ANAPC11: variants seen among roughly 807,000 people sequenced by gnomAD.
ANAPC11 encodes the protein anaphase promoting complex subunit 11.
ANAPC11 carries 5 observed loss-of-function variants against 11.8 expected under a neutral mutation model. That is an observed-to-expected ratio of 0.42 (90% CI 0.22 to 0.89). ANAPC11 has a LOEUF of 0.89. Ranked by LOEUF, ANAPC11 falls within the 40% of genes least tolerant of loss-of-function variation. The pLI, the probability that ANAPC11 is intolerant of heterozygous loss-of-function variation, is 0.28. For synonymous variants in ANAPC11, 45 were observed against 41.0 expected (o/e 1.10, Z -0.38); for missense variants, 68 against 112.9 (o/e 0.60, Z 1.80).
intron 3 of ANAPC11, chr17:81,899,190 G>A (rs373711038): frequency 1.9e-6 from 3 of 1,559,288 alleles, no homozygotes; most frequent in African/African-American, 2.7e-5. Flanking sequence ...GGAGATCAGG[G>A]ACACTCATTT....
Position 81,894,563 on chromosome 17 carries a change from C to T in ANAPC11, c.86C>T (p.Ala29Val), listed in dbSNP as rs1260123284. The T allele has an allele frequency of 1.9e-6, 3 of 1,611,034 alleles. No homozygotes were observed. The African/African-American group carries it at 4.0e-5, about 22-fold the overall frequency. Reference sequence around the variant, plus strand: ...GAGAACTGTGGCATCTGCAGGATGGCATTTAACGGATGCTGCCCTGACTGT... The same window carrying T: ...GAGAACTGTGGCATCTGCAGGATGGTATTTAACGGATGCTGCCCTGACTGT... ...NDENCGICRM[A>V]FNGCCPDCKV... Residue 29 changes from alanine (A) to valine (V), a missense_variant, in exon 3 of 4, where the codon GCA (alanine) becomes GTA (valine). Ala to Val is a moderately conservative substitution (Grantham distance 64, BLOSUM62 0). Coordinates refer to ENST00000344877, the MANE Select transcript of ANAPC11 (RefSeq NM_001002248.3).
intron 3 of ANAPC11, chr17:81,899,224 C>A: frequency 6.2e-7 from 1 of 1,607,518 alleles, no homozygotes; most frequent in Non-Finnish European, 8.5e-7. Context: ...CTGATACAAG[C>A]ATCCCTCTCT....
In ANAPC11 at chr17:81,895,282, C is replaced by G. The variant is rs944979734; in HGVS notation, c.109+696C>G. On this transcript the variant is annotated intron_variant, in intron 3 of 3. Coordinates refer to ENST00000344877, the MANE Select transcript of ANAPC11 (RefSeq NM_001002248.3). ...GTTAGGCTGGTCTCGAACTGTCAAC[C>G]TCAGGTGATCCACCCGCCTCAGCCT... Among the ~76,000 whole-genome samples the G allele has an allele frequency of 2.6e-5, 4 of 152,120 alleles. No individual in the cohort carries two copies. The East Asian group carries it at 5.8e-4, about 22-fold the overall frequency.
intron 3 of ANAPC11, chr17:81,899,429 T>A (rs778529238): frequency 1.9e-6 from 3 of 1,613,878 alleles, no homozygotes; most frequent in African/African-American, 2.7e-5. Context: ...CTCCTGCCCT[T>A]GATCAAGAGA....
chr17:81,897,150 G>A (rs919986101), intron 3 of ANAPC11, among the ~76,000 whole-genome samples: 2 of 151,928 alleles, frequency 1.3e-5, no homozygotes, highest in South Asian at 2.1e-4. Flanking sequence ...ACAGGCGCTC[G>A]CCGCCATGCC....
chr17:81,891,024 G>A, upstream of ANAPC11: 4 of 788,238 alleles, frequency 5.1e-6, no homozygotes, highest in East Asian at 2.8e-5. Context: ...AGTTCCCTTA[G>A]ACTAACTTCC....
At chr17:81,891,895 G>C (rs1038751126) in intron 1 of ANAPC11, 54 bp downstream of exon 1, 2 of 185,714 alleles carry the variant, frequency 1.1e-5, no homozygotes, top group Non-Finnish European at 2.3e-5. Context: ...GGCGGCGGCC[G>C]TTGGAGGCGG....
chr17:81,894,504 C>CTCT lies in ANAPC11; in HGVS notation c.27_28insTCT (p.Asn9_Gly10insSer). 1 of 1,612,856 alleles carries CTCT rather than the reference C, an allele frequency of 6.2e-7. No homozygotes were observed. Among genetic ancestry groups the CTCT allele is most frequent in the South Asian group, 1.1e-5 (1 of 90,996 alleles). ...TGAAGGTGAAGATTAAGTGCTGGAA[C>CTCT]GGCGTGGCCACTTGGCTCTGGGTGG... is the stretch of plus-strand genomic sequence containing the variant. On this transcript the variant is annotated inframe_insertion, in exon 3 of 4. Transcript: ENST00000344877.
intron 3 of ANAPC11, chr17:81,899,692 T>G: frequency 9.5e-7 from 1 of 1,050,898 alleles, no homozygotes; most frequent in Non-Finnish European, 1.4e-6. Flanking sequence ...TTGCCCCGGG[T>G]GGAGGCCGCA....
chr17:81,891,783 T>A lies in ANAPC11; in HGVS notation c.-133T>A. ...TGAGGGAGTCGGGCCGCGACTGTGG[T>A]CGTTTTTATACCTTCCCGCGCGGAC... On this transcript the variant is annotated 5_prime_UTR_variant, in exon 1 of 4. Transcript: ENST00000344877. 6.4e-6 allele frequency: 2 copies of A among 311,584 alleles called. No individual in the cohort carries two copies. The highest frequency in any genetic ancestry group is 1.1e-5 in the Non-Finnish European group (2 of 177,454). The allele number at this position is 311,584 out of a possible 1,614,324, so 19.3% of individuals were successfully genotyped here.
chr17:81,895,260 A>G (rs1260711886), intron 3 of ANAPC11, among the ~76,000 whole-genome samples: 1 of 151,856 alleles, frequency 6.6e-6, no homozygotes, highest in Non-Finnish European at 1.5e-5. Context: ...TCTCCATGTT[A>G]GGCTGGTCTC....
At chr17:81,892,495 T>C (rs1043205597) in intron 1 of ANAPC11, among the ~76,000 whole-genome samples, 1 of 150,910 alleles carries the variant, frequency 6.6e-6, no homozygotes. Context: ...TTGCAACTTA[T>C]TAATGAAAAC....
At position 81,894,545 on chromosome 17, in the gene ANAPC11, G is replaced by A; in HGVS notation, c.68G>A (p.Cys23Tyr). ...TWLWVANDEN[C>Y]GICRMAFNGC... ...CTCTGGGTGGCCAACGATGAGAACTGTGGCATCTGCAGGATGGCATTTAAC... is the reference window on the plus strand; with the variant it reads ...CTCTGGGTGGCCAACGATGAGAACTATGGCATCTGCAGGATGGCATTTAAC... The change falls in exon 3 of 4, where the codon TGT (cysteine) becomes TAT (tyrosine). Residue 23 changes from cysteine (C) to tyrosine (Y), a missense_variant. Coordinates refer to ENST00000344877, the MANE Select transcript of ANAPC11 (RefSeq NM_001002248.3). 6.2e-7 allele frequency: 1 copy of A among 1,612,530 alleles called. No homozygotes were observed. Among genetic ancestry groups the A allele is most frequent in the East Asian group, 2.2e-5 (1 of 44,726 alleles).
chr17:81,894,132 C>T (rs147314039), intron 2 of ANAPC11, among the ~76,000 whole-genome samples: 3,125 of 151,774 alleles, frequency 0.021, 107 homozygotes, highest in African/African-American at 0.071. Flanking sequence ...AAAAATTAGT[C>T]GGGCGTGGAG....
chr17:81,894,423 C>T (rs2039661904), intron 2 of ANAPC11, 44 bp from the exon 3 acceptor site: 1 of 1,233,352 alleles, frequency 8.1e-7, no homozygotes, highest in Non-Finnish European at 1.2e-6. Flanking sequence ...CGTTCTAGCT[C>T]TGCAGACTCA....
intron 3 of ANAPC11, among the ~76,000 whole-genome samples, chr17:81,896,858 A>G (rs151180655): frequency 0.07 from 8,227 of 117,656 alleles, 832 homozygotes; most frequent in African/African-American, 0.24. Context: ...TGTTGCTCAG[A>G]CTGGAGTGCA....
chr17:81,897,153 G>A (rs1373696147), intron 3 of ANAPC11, among the ~76,000 whole-genome samples: 1 of 151,984 alleles, frequency 6.6e-6, no homozygotes, highest in East Asian at 1.9e-4. Flanking sequence ...GGCGCTCGCC[G>A]CCATGCCCAG....
intron 3 of ANAPC11, chr17:81,898,671 C>T (rs1345067287): frequency 6.5e-6 from 1 of 153,040 alleles, no homozygotes; most frequent in Non-Finnish European, 1.5e-5. Flanking sequence ...CGTGGGAGCC[C>T]GAGGCTGGTA....
In ANAPC11 at chr17:81,894,820, C is replaced by T. The variant is rs899338091; in HGVS notation, c.109+234C>T. On this transcript the variant is annotated intron_variant, in intron 3 of 3. Transcript: ENST00000344877. ...GCAACCTCTGCCTCCCGGGTTCAAA[C>T]GGTTCTCCTGCCTCAGCCTTCCAAG... 37 of 407,920 alleles carry T rather than the reference C, an allele frequency of 9.1e-5. 1 individual carries two copies. The highest frequency in any genetic ancestry group is 3.6e-4 in the Admixed American group (8 of 22,226). The allele number at this position is 407,920 out of a possible 1,614,324, so 25.3% of individuals were successfully genotyped here. A position where few individuals can be genotyped will look rare whatever the true frequency, so the allele number is the denominator to read the frequency against.
Sources: gnomAD v4.1 joint callset for allele counts (sites outside exome capture counted in the v4.1 genomes callset) on GRCh38, gnomAD v4.1.1 for gene constraint, MANE v1.5 for transcripts, NCBI Gene and HGNC (gene_info 2026-07-23, HGNC 2026-07-21) for gene names.